Variants in SCN11A observed in about 807,000 individuals in gnomAD.
SCN11A encodes sodium channel protein type 11 subunit alpha.
SCN11A carries 122 observed loss-of-function variants against 162.2 expected under a neutral mutation model. The observed-to-expected ratio is 0.75, with a 90% confidence interval of 0.65 to 0.87. The LOEUF (loss-of-function observed/expected upper bound fraction) is 0.87. Among genes scored for constraint, SCN11A ranks in the 40% least tolerant of loss-of-function variants. The probability of loss-of-function intolerance (pLI) is 0.00; values close to 1 mark genes in which losing one functional copy is unlikely to be tolerated. For synonymous variants in SCN11A, 758 were observed against 751.5 expected (o/e 1.01, Z -0.14); for missense variants, 2,015 against 2,181.6 (o/e 0.92, Z 1.52).
chr3:38,879,912 AC>A, intron 23 of SCN11A, 37 bp downstream of exon 23: 1 of 1,576,634 alleles, frequency 6.3e-7, no homozygotes, highest in Non-Finnish European at 8.7e-7. Flanking sequence ...CTTAACCACT[AC>A]CCCAGCCTGT....
At chr3:39,032,535 G>A (rs1304630333) in intron 1 of SCN11A, among the ~76,000 whole-genome samples, 32 bp from the exon 2 acceptor site, 1 of 151,992 alleles carries the variant, frequency 6.6e-6, no homozygotes, top group Admixed American at 6.6e-5. Flanking sequence ...AAAAAAACAA[G>A]CTTTATCATT....
intron 1 of SCN11A, among the ~76,000 whole-genome samples, chr3:39,033,889 G>A (rs2031830588): frequency 6.6e-6 from 1 of 152,106 alleles, no homozygotes; most frequent in Non-Finnish European, 1.5e-5. Flanking sequence ...TATAGGATGG[G>A]CATGGTGGCT....
intron 4 of SCN11A, among the ~76,000 whole-genome samples, chr3:38,952,151 C>G (rs114543735): frequency 7.2e-5 from 11 of 152,142 alleles, no homozygotes; most frequent in South Asian, 2.1e-4. Flanking sequence ...CCTTAAGAGC[C>G]GTAACACTCA....
intron 5 of SCN11A, among the ~76,000 whole-genome samples, chr3:38,948,844 G>T (rs1428367396): frequency 6.6e-6 from 1 of 152,200 alleles, no homozygotes; most frequent in Non-Finnish European, 1.5e-5. Flanking sequence ...CATTGATGCA[G>T]AAGGAGACCT....
At chr3:39,029,460 T>A (rs1336951868) in intron 2 of SCN11A, among the ~76,000 whole-genome samples, 1 of 152,244 alleles carries the variant, frequency 6.6e-6, no homozygotes, top group African/African-American at 2.4e-5. Flanking sequence ...AAACACTTCT[T>A]GTATTATTAG....
intron 19 of SCN11A, among the ~76,000 whole-genome samples, chr3:38,888,025 T>C (rs1177381215): frequency 6.6e-6 from 1 of 152,166 alleles, no homozygotes; most frequent in Non-Finnish European, 1.5e-5. Context: ...AGAATTTAAA[T>C]AAGATAGCAG....
Position 38,875,070 on chromosome 3 carries a change from T to C in SCN11A, c.3394-2776A>G, listed in dbSNP as rs4596085. Among the ~76,000 whole-genome samples the C allele has an allele frequency of 5.7e-3, 872 of 152,270 alleles. 9 individuals are homozygous for C. The highest frequency in any genetic ancestry group is 0.02 in the African/African-American group (812 of 41,544). ...GCACTTTGCAACATCTACCATATTATAGATGAGGAAACCTGAAGCTCAAAG... is the reference window on the plus strand; with the variant it reads ...GCACTTTGCAACATCTACCATATTACAGATGAGGAAACCTGAAGCTCAAAG... On this transcript the variant is annotated intron_variant, in intron 23 of 29. Transcript: ENST00000302328.
intron 10 of SCN11A, among the ~76,000 whole-genome samples, chr3:38,920,333 C>T (rs1359661830): frequency 6.6e-6 from 1 of 152,284 alleles, no homozygotes; most frequent in East Asian, 1.9e-4. Context: ...AGTGTAGTCA[C>T]ATGAGATTCA....
rs2064669865 is a variant in SCN11A at position 38,846,721 on chromosome 3, C to T, written c.5349G>A (p.Val1783=). 6.2e-7 allele frequency: 1 copy of T among 1,614,018 alleles called. No homozygotes were observed. The highest frequency in any genetic ancestry group is 8.5e-7 in the Non-Finnish European group (1 of 1,179,994). The change falls in exon 30 of 30, where the codon GTG becomes GTA. Residue 1783 remains valine, a synonymous_variant. Coordinates refer to ENST00000302328, the MANE Select transcript of SCN11A (RefSeq NM_001349253.2). ...AGTCACAGTGGACCTTGCCCTTGGC[C>T]ACCCCAAAGCTAGACAAGTCTCCAT... ...LCNGDLSSFG[V]AKGKVHCD
At chr3:38,868,203 T>C (rs1247771363) in intron 26 of SCN11A, among the ~76,000 whole-genome samples, 2 of 152,218 alleles carry the variant, frequency 1.3e-5, no homozygotes, top group East Asian at 1.9e-4. Flanking sequence ...ACATCAAAGA[T>C]ATAAGTGCTG....
Position 38,885,291 on chromosome 3 carries a change from T to G in SCN11A, c.3061A>C (p.Lys1021Gln), listed in dbSNP as rs1306874235. Residue 1021 changes from lysine (K) to glutamine (Q), a missense_variant, in exon 21 of 30, where the codon AAA (lysine) becomes CAA (glutamine). By Grantham distance (53) the Lys-to-Gln change is moderately conservative. Transcript: ENST00000302328. ...ATGCAGAAATACTGCCACTTACCTT[T>G]GGGCAAACATCTCTCTGGTTGCTTT... ...PKKQPERCLP[K>Q]GFGCCFPCCS... 1 of 1,586,698 alleles carries G rather than the reference T, an allele frequency of 6.3e-7. No homozygotes were observed. The highest frequency in any genetic ancestry group is 8.7e-7 in the Non-Finnish European group (1 of 1,155,034).
At chr3:38,918,334 G>A (rs1230125238) in intron 11 of SCN11A, among the ~76,000 whole-genome samples, 1 of 152,154 alleles carries the variant, frequency 6.6e-6, no homozygotes, top group Non-Finnish European at 1.5e-5. Flanking sequence ...CTAGGAACTA[G>A]GCTGTACAGC....
chr3:38,987,077 C>T (rs1234107813), intron 2 of SCN11A, among the ~76,000 whole-genome samples: 1 of 151,960 alleles, frequency 6.6e-6, no homozygotes, highest in East Asian at 1.9e-4. Flanking sequence ...TGTGAAACCA[C>T]CCCAAACACA....
chr3:38,870,857 C>T (rs2065114637), intron 25 of SCN11A, 113 bp from the exon 26 acceptor site: 1 of 806,820 alleles, frequency 1.2e-6, no homozygotes, highest in East Asian at 2.5e-5. Context: ...AGATGATACC[C>T]CAACCTTCTA....
chr3:38,859,788 T>TTGG (rs1275558369), intron 28 of SCN11A, among the ~76,000 whole-genome samples: 1 of 152,162 alleles, frequency 6.6e-6, no homozygotes, highest in African/African-American at 2.4e-5. Flanking sequence ...GAAACAAAAT[T>TTGG]GATAATAGAT....
rs369499148 is a variant in SCN11A, at chr3:38,897,026, G to C, written c.2222C>G (p.Pro741Arg). The C allele has an allele frequency of 2.5e-6, 4 of 1,614,070 alleles. No homozygotes were observed. Among genetic ancestry groups the C allele is most frequent in the Non-Finnish European group, 3.4e-6 (4 of 1,179,998 alleles). ...CCAGTGCCGTAAACATGAGACTGTC[G>C]GGCCTGTCGGGTTACAGAGTTTTGG... Reference protein sequence around the residue: ...KSPKLCNPTGPTVSCLRHWHM... With the variant: ...KSPKLCNPTGRTVSCLRHWHM... Residue 741 changes from proline (P) to arginine (R), a missense_variant, in exon 18 of 30, where the codon CCG (proline) becomes CGG (arginine). Coordinates refer to ENST00000302328, the MANE Select transcript of SCN11A (RefSeq NM_001349253.2).
At chr3:39,010,312 A>G (rs547329235) in intron 2 of SCN11A, among the ~76,000 whole-genome samples, 49 of 152,210 alleles carry the variant, frequency 3.2e-4, no homozygotes, top group Non-Finnish European at 1.9e-4. Context: ...CTAATTATGT[A>G]TAATTTTGTT....
intron 2 of SCN11A, among the ~76,000 whole-genome samples, chr3:38,970,120 G>A (rs1174441766): frequency 6.6e-6 from 1 of 152,078 alleles, no homozygotes; most frequent in Non-Finnish European, 1.5e-5. Flanking sequence ...CAGTGTTTCT[G>A]TAGGGGAGAG....
Position 38,938,299 on chromosome 3 carries a change from GCAGCA to G in SCN11A, c.488+7107_488+7111del, listed in dbSNP as rs2066370162. 2.6e-5 allele frequency among the ~76,000 whole-genome samples: 4 copies of G among 151,112 alleles called. No homozygotes were observed. The South Asian group carries it at 8.4e-4, about 32-fold the overall frequency. ...AATGCTAATTGACGAGTTAATGGGTGCAGCACACCAGCATGGCACATGTATACATA... is the reference window on the plus strand; with the variant it reads ...AATGCTAATTGACGAGTTAATGGGTGCACCAGCATGGCACATGTATACATA... On this transcript the variant is annotated intron_variant, in intron 7 of 29. Transcript: ENST00000302328.
Sources: allele counts gnomAD v4.1 joint callset (sites outside exome capture counted in the v4.1 genomes callset), GRCh38; gene constraint gnomAD v4.1.1; transcripts MANE v1.5; gene names NCBI Gene and HGNC (gene_info 2026-07-23, HGNC 2026-07-21).